MAPK15: variants seen among roughly 807,000 people sequenced by gnomAD.
MAPK15 encodes the protein ERK-7.
In MAPK15, 61 loss-of-function variants were observed where a neutral mutation model predicts 60.8. The observed-to-expected ratio is 1.00, with a 90% confidence interval of 0.82 to 1.24. MAPK15 has a LOEUF of 1.24. MAPK15 is among the 50% of genes most tolerant of loss of function. The pLI is 0.00. For synonymous variants in MAPK15, 356 were observed against 319.9 expected (o/e 1.11, Z -1.21); for missense variants, 808 against 741.1 (o/e 1.09, Z -1.05).
rs542604309 is a variant in MAPK15 at position 143,719,173 on chromosome 8, C to T, written c.581+17C>T. ...TTCGCACCGGTAATAGCGAGACATC[C>T]CCAACCCCCCCTCCACCTCCCTGCT... On this transcript the variant is annotated intron_variant, in intron 6 of 13. Coordinates refer to ENST00000338033, the MANE Select transcript of MAPK15 (RefSeq NM_139021.3). 2.5e-4 allele frequency: 358 copies of T among 1,406,764 alleles called. 1 individual carries two copies. In the African/African-American group the frequency reaches 5.5e-3, roughly 21 times the overall value. The allele number at this position is 1,406,764 out of a possible 1,614,324, so 87.1% of individuals were successfully genotyped here. A position where few individuals can be genotyped will look rare whatever the true frequency, so the allele number is the denominator to read the frequency against.
In MAPK15 at chr8:143,718,037, G is replaced by C; in HGVS notation, c.166-10G>C. 1 of 1,614,078 alleles carries C rather than the reference G, an allele frequency of 6.2e-7. No individual in the cohort carries two copies. Among genetic ancestry groups the C allele is most frequent in the South Asian group, 1.1e-5 (1 of 91,086 alleles). ...CACCCACCCACACACCTGTGTTTCT[G>C]TCTCTTCAGAGAACATTCCGGGAAA... On this transcript the variant is annotated splice_polypyrimidine_tract_variant and intron_variant, in intron 2 of 13. Coordinates refer to ENST00000338033, the MANE Select transcript of MAPK15 (RefSeq NM_139021.3).
chr8:143,720,858 TCCC>T lies in MAPK15; in HGVS notation c.917+21_917+23del, dbSNP rs1818029176. The T allele has an allele frequency of 6.2e-7, 1 of 1,603,180 alleles. No homozygotes were observed. Among genetic ancestry groups the T allele is most frequent in the African/African-American group, 1.4e-5 (1 of 73,328 alleles). On this transcript the variant is annotated intron_variant, in intron 9 of 13. Coordinates refer to ENST00000338033, the MANE Select transcript of MAPK15 (RefSeq NM_139021.3). The surrounding 1 kb of genome is among the most constrained non-coding windows in gnomAD (Gnocchi z 4.6). ...GTGCAGAGGTGGGGGTGGGAGAGAG[TCCC>T]CCAAGTGCGGGGGGACAGAGGTGGG...
rs149683519 is a variant in MAPK15 at position 143,719,399 on chromosome 8, G to T, written c.638G>T (p.Arg213Leu). The T allele has an allele frequency of 1.3e-4, 209 of 1,611,390 alleles. No individual in the cohort carries two copies. In the African/African-American group the frequency reaches 2.6e-3, roughly 20 times the overall value. Reference sequence around the variant, plus strand: ...GGCTGTATCCTGGGGGAGATGCTGCGGGGGAGACCCCTGTTCCCCGGCACG... The same window carrying T: ...GGCTGTATCCTGGGGGAGATGCTGCTGGGGAGACCCCTGTTCCCCGGCACG... ...SLGCILGEML[R>L]GRPLFPGTST... is the part of the protein sequence containing the mutation. The change falls in exon 7 of 14, where the codon CGG (arginine) becomes CTG (leucine). Residue 213 changes from arginine (R) to leucine (L), a missense_variant. Arg to Leu is a moderately radical substitution (Grantham distance 102). Transcript: ENST00000338033.
Position 143,720,513 on chromosome 8 carries a change from C to T in MAPK15, c.780-190C>T. On this transcript the variant is annotated intron_variant, in intron 8 of 13. Coordinates refer to ENST00000338033, the MANE Select transcript of MAPK15 (RefSeq NM_139021.3). The surrounding 1 kb of genome is among the most constrained non-coding windows in gnomAD (Gnocchi z 4.6). Reference sequence around the variant, plus strand: ...CTGTGCCAGGGCGTGGAGAGGAGGGCACCAGGGGGCCGCAGGGGTCTCTCC... The same window carrying T: ...CTGTGCCAGGGCGTGGAGAGGAGGGTACCAGGGGGCCGCAGGGGTCTCTCC... 2 of 1,453,366 alleles carry T rather than the reference C, an allele frequency of 1.4e-6. No individual in the cohort carries two copies. The highest frequency in any genetic ancestry group is 2.9e-5 in the South Asian group (2 of 68,130). The allele number at this position is 1,453,366 out of a possible 1,614,324, so 90.0% of individuals were successfully genotyped here.
chr8:143,716,397 C>T lies in MAPK15; in HGVS notation c.20C>T (p.Pro7Leu), dbSNP rs1554618342. 3 of 1,605,602 alleles carry T rather than the reference C, an allele frequency of 1.9e-6. No homozygotes were observed. Among genetic ancestry groups the T allele is most frequent in the African/African-American group, 1.4e-5 (1 of 73,992 alleles). ...GCCGCCATGTGCACCGTAGTGGACC[C>T]TCGCATTGTCCGGAGATACCTACTC... is the stretch of plus-strand genomic sequence containing the variant. MCTVVD[P>L]RIVRRYLLRR... The change falls in exon 1 of 14, where the codon CCT (proline) becomes CTT (leucine). Residue 7 changes from proline to leucine, a missense_variant. By Grantham distance (98) the Pro-to-Leu change is moderately conservative (BLOSUM62 -3). Transcript: ENST00000338033.
rs1818042735 is a variant in MAPK15, at chr8:143,721,099, C to CT, written c.1018dup (p.Tyr340LeufsTer41). ...CTGTGCCTGAGTACCGCAGCCGCGT[C>CT]TATCAGGTGCTCCGGCTCTCGACCC... On this transcript the variant is annotated frameshift_variant, in exon 10 of 14. Coordinates refer to ENST00000338033, the MANE Select transcript of MAPK15 (RefSeq NM_139021.3). LOFTEE classifies it high-confidence loss of function. The CT allele has an allele frequency of 5.0e-6, 8 of 1,610,228 alleles. No individual in the cohort carries two copies. The highest frequency in any genetic ancestry group is 1.6e-4 in the Middle Eastern group (1 of 6,072).
At chr8:143,721,901 C>A (rs1554620034) in intron 13 of MAPK15, 21 bp downstream of exon 13, 2 of 1,549,908 alleles carry the variant, frequency 1.3e-6, no homozygotes, top group Non-Finnish European at 8.7e-7. Flanking sequence ...CCCAGTCTGC[C>A]CCCGTCCCCT....
intron 5 of MAPK15, 43 bp from the exon 6 acceptor site, chr8:143,718,950 G>A: frequency 1.9e-6 from 3 of 1,597,090 alleles, no homozygotes; most frequent in Non-Finnish European, 1.7e-6. Context: ...CCGGCTCCCG[G>A]CCCCACCCAG....
Position 143,720,247 on chromosome 8 carries a change from T to C in MAPK15, c.739T>C (p.Ser247Pro). The part of the protein sequence containing the change: ...PSEEDLLALG[S>P]GCRASVLHQL... ...TGCCCCAGACCTCCTGGCTCTCGGC[T>C]CAGGCTGCCGTGCCTCTGTGCTGCA... is the stretch of plus-strand genomic sequence containing the variant. The change falls in exon 8 of 14, where the codon TCA (serine) becomes CCA (proline). Residue 247 changes from serine to proline, a missense_variant. Ser to Pro is a moderately conservative substitution (Grantham distance 74). Transcript: ENST00000338033. The surrounding 1 kb of genome is among the most constrained non-coding windows in gnomAD (Gnocchi z 4.6). 1 of 1,585,734 alleles carries C rather than the reference T, an allele frequency of 6.3e-7. No individual in the cohort carries two copies.
chr8:143,716,584 G>A (rs1191840703), intron 1 of MAPK15, 141 bp downstream of exon 1: 4 of 690,564 alleles, frequency 5.8e-6, no homozygotes, highest in Non-Finnish European at 9.0e-6. Context: ...GGGAGAGGTG[G>A]TCTGGAGCCC....
intron 1 of MAPK15, 112 bp from the exon 2 acceptor site, chr8:143,717,582 C>A (rs1160472019): frequency 1.1e-6 from 1 of 900,850 alleles, no homozygotes; most frequent in East Asian, 2.6e-5. Flanking sequence ...ACACTCCCAT[C>A]CCCTCTCGGG....
rs200023367 is a variant in MAPK15 at position 143,719,065 on chromosome 8, G to A, written c.490G>A (p.Asp164Asn). ...CDFGLARSLG[D>N]LPEGPEDQAV... ...CTTTGGCCTGGCCCGCTCCCTGGGCGACCTCCCCGAGGGGCCTGAGGACCA... is the reference window on the plus strand; with the variant it reads ...CTTTGGCCTGGCCCGCTCCCTGGGCAACCTCCCCGAGGGGCCTGAGGACCA... Residue 164 changes from aspartate (D) to asparagine (N), a missense_variant, in exon 6 of 14, where the codon GAC becomes AAC. Physicochemically the swap from Asp to Asn is conservative, Grantham distance 23. Transcript: ENST00000338033. 7.6e-5 allele frequency: 121 copies of A among 1,584,090 alleles called. 1 individual carries two copies. The South Asian group carries it at 8.5e-4, about 11-fold the overall frequency.
intron 4 of MAPK15, 50 bp from the exon 5 acceptor site, chr8:143,718,717 CCCCCAGGT>C: frequency 1.3e-6 from 1 of 777,536 alleles, no homozygotes; most frequent in African/African-American, 1.8e-5. Context: ...TCTCCCACTC[CCCCCAGGT>C]TGCCCCCCCA....
In MAPK15 at chr8:143,720,140, T is replaced by C. The variant is rs1817988758; in HGVS notation, c.722-90T>C. 7 of 1,520,474 alleles carry C rather than the reference T, an allele frequency of 4.6e-6. No individual in the cohort carries two copies. The highest frequency in any genetic ancestry group is 6.2e-6 in the Non-Finnish European group (7 of 1,133,158). The allele number at this position is 1,520,474 out of a possible 1,614,324, so 94.2% of individuals were successfully genotyped here. On this transcript the variant is annotated intron_variant, in intron 7 of 13. Coordinates refer to ENST00000338033, the MANE Select transcript of MAPK15 (RefSeq NM_139021.3). This position sits in a 1 kb window ranked among gnomAD's most constrained non-coding sequence, Gnocchi z 4.6. ...AACCCTGTAGAGAGGCTGTGCTCCC[T>C]GGGGCTGGAAGAGATGACTGGCCCC...
chr8:143,718,648 G>A, intron 4 of MAPK15, 127 bp from the exon 5 acceptor site: 1 of 808,894 alleles, frequency 1.2e-6, no homozygotes. Context: ...ACAGGATGGA[G>A]GAGCGGGGCG....
At position 143,718,864 on chromosome 8, in the gene MAPK15, C is replaced by G. The variant is rs200419870; in HGVS notation, c.376C>G (p.Arg126Gly). The part of the protein sequence containing the change: ...SIFYQLLRAT[R>G]FLHSGHVVHR... ...CTTCTACCAGCTCCTGCGGGCCACC[C>G]GGTTCCTCCACTCGGGGCACGTTGT... The change falls in exon 5 of 14, where the codon CGG becomes GGG. Residue 126 changes from arginine to glycine, a missense_variant. Transcript: ENST00000338033. The G allele has an allele frequency of 5.0e-6, 8 of 1,611,706 alleles. No individual in the cohort carries two copies. The highest frequency in any genetic ancestry group is 1.7e-5 in the Admixed American group (1 of 59,904).
rs782315097 is a variant in MAPK15 at position 143,721,277 on chromosome 8, G to C, written c.1070G>C (p.Gly357Ala). The C allele has an allele frequency of 4.3e-6, 7 of 1,613,374 alleles. No homozygotes were observed. Among genetic ancestry groups the C allele is most frequent in the Non-Finnish European group, 5.9e-6 (7 of 1,179,892 alleles). Residue 357 changes from glycine to alanine, a missense_variant, in exon 11 of 14, where the codon GGC (glycine) becomes GCC (alanine). Transcript: ENST00000338033. ...AGCAGCGGCACCTCGAGAGAGAAGG[G>C]CCCGGAGGGTGTCTCCCCAAGCCAG... ...GGSSGTSREKGPEGVSPSQAH... is the reference protein window; with the variant it reads ...GGSSGTSREKAPEGVSPSQAH...
At position 143,721,579 on chromosome 8, in the gene MAPK15, G is replaced by A. The variant is rs1554619853; in HGVS notation, c.1235G>A (p.Arg412Lys). ...ESPRAAKNVPRQNSAPLLQTA... is the reference protein window; with the variant it reads ...ESPRAAKNVPKQNSAPLLQTA... ...CCCCGTGCAGCCAAGAACGTTCCCA[G>A]GCAGAACTCCGCTCCCCTGCTCCAA... The change falls in exon 12 of 14, where the codon AGG (arginine) becomes AAG (lysine). Residue 412 changes from arginine (R) to lysine (K), a missense_variant. Coordinates refer to ENST00000338033, the MANE Select transcript of MAPK15 (RefSeq NM_139021.3). 1 of 1,613,716 alleles carries A rather than the reference G, an allele frequency of 6.2e-7. No individual in the cohort carries two copies.
rs781835594 is a variant in MAPK15, at chr8:143,719,064, C to T, written c.489C>T (p.Gly163=). The T allele has an allele frequency of 3.0e-5, 48 of 1,584,324 alleles. No homozygotes were observed. The highest frequency in any genetic ancestry group is 1.4e-4 in the Admixed American group (8 of 55,742). Residue 163 remains glycine, a synonymous_variant, in exon 6 of 14, where the codon GGC becomes GGT. Coordinates refer to ENST00000338033, the MANE Select transcript of MAPK15 (RefSeq NM_139021.3). ...LCDFGLARSL[G]DLPEGPEDQA... is the part of the protein sequence containing the mutation. Reference sequence around the variant, plus strand: ...ACTTTGGCCTGGCCCGCTCCCTGGGCGACCTCCCCGAGGGGCCTGAGGACC... The same window carrying T: ...ACTTTGGCCTGGCCCGCTCCCTGGGTGACCTCCCCGAGGGGCCTGAGGACC...
Sources: allele counts gnomAD v4.1 joint callset, GRCh38; gene constraint gnomAD v4.1.1; non-coding constraint Gnocchi (gnomAD v3.1); transcripts MANE v1.5; gene names NCBI Gene and HGNC (gene_info 2026-07-23, HGNC 2026-07-21).